The following FER variants were observed in gnomAD, a reference collection of about 807,000 sequenced individuals.
The protein encoded by FER is tyrosine-protein kinase Fer.
Under a neutral mutation model 111.0 loss-of-function variants are expected in FER, and 63 were observed. The observed-to-expected ratio is 0.57, with a 90% CI of 0.46 to 0.70. The LOEUF is 0.70. Among genes scored for constraint, FER ranks in the 30% least tolerant of loss-of-function variants. The probability of loss-of-function intolerance (pLI) is 0.00; values close to 1 mark genes in which losing one functional copy is unlikely to be tolerated. For synonymous variants in FER, 327 were observed against 313.9 expected (o/e 1.04, Z -0.44); for missense variants, 914 against 954.0 (o/e 0.96, Z 0.55).
intron 2 of FER, among the ~76,000 whole-genome samples, chr5:108,793,943 C>T (rs766964139): frequency 9.9e-5 from 15 of 152,168 alleles, no homozygotes; most frequent in East Asian, 3.9e-4. Context: ...GACCCCTCTC[C>T]GCTTTTTAAC....
At chr5:108,965,807 A>G (rs1466557196) in intron 13 of FER, among the ~76,000 whole-genome samples, 2 of 152,180 alleles carry the variant, frequency 1.3e-5, no homozygotes, top group African/African-American at 2.4e-5. Flanking sequence ...TATGTCCCCA[A>G]CCCACATGAA....
In FER at chr5:108,890,253, T is replaced by C. The variant is rs73209316; in HGVS notation, c.1046+6735T>C. On this transcript the variant is annotated intron_variant, in intron 9 of 19. Transcript: ENST00000281092. ...AAATTCATCCAGCTACTTTCATTCC[T>C]TTTTACTGTTGAGTAGTGCAGTGTT... Among the ~76,000 whole-genome samples the C allele has an allele frequency of 8.7e-3, 1,322 of 152,240 alleles. 21 individuals carry two copies. Among genetic ancestry groups the C allele is most frequent in the African/African-American group, 0.03 (1,251 of 41,560 alleles).
chr5:109,081,009 C>T (rs1375218309), intron 16 of FER, among the ~76,000 whole-genome samples: 1 of 152,002 alleles, frequency 6.6e-6, no homozygotes, highest in Non-Finnish European at 1.5e-5. Context: ...AAACAGGGAA[C>T]CCAGAGATGG....
At chr5:109,155,834 A>G (rs1412267907) in intron 17 of FER, among the ~76,000 whole-genome samples, 2 of 151,982 alleles carry the variant, frequency 1.3e-5, no homozygotes, top group Non-Finnish European at 1.5e-5. Context: ...GAGAGAGCCT[A>G]TACACTGGTA....
intron 6 of FER, among the ~76,000 whole-genome samples, chr5:108,868,758 T>G (rs1449457476): frequency 6.6e-6 from 1 of 152,028 alleles, no homozygotes; most frequent in Non-Finnish European, 1.5e-5. Flanking sequence ...AGTAGTGAAG[T>G]ATGAGAAAAG....
intron 1 of FER, among the ~76,000 whole-genome samples, chr5:108,761,075 T>C (rs1472269489): frequency 6.6e-6 from 1 of 151,866 alleles, no homozygotes; most frequent in Non-Finnish European, 1.5e-5. Context: ...GGATTACAGG[T>C]GCCCGCCACC....
intron 16 of FER, among the ~76,000 whole-genome samples, chr5:109,095,680 C>T (rs1199806662): frequency 2.0e-5 from 3 of 152,074 alleles, no homozygotes; most frequent in Non-Finnish European, 2.9e-5. Flanking sequence ...GATTTTTCCC[C>T]GTCATTTCTG....
intron 1 of FER, among the ~76,000 whole-genome samples, chr5:108,762,759 C>T (rs778593646): frequency 2.0e-5 from 3 of 152,112 alleles, no homozygotes; most frequent in Non-Finnish European, 4.4e-5. Flanking sequence ...CACAGGCCTC[C>T]TTGTTTTTCC....
intron 9 of FER, chr5:108,894,492 T>C (rs1748732178): frequency 5.0e-6 from 2 of 399,688 alleles, no homozygotes; most frequent in Non-Finnish European, 9.8e-6. Flanking sequence ...TTTCTCAGAG[T>C]CTATGACACT....
At chr5:109,163,041 T>G (rs1217272116) in intron 17 of FER, among the ~76,000 whole-genome samples, 1 of 152,184 alleles carries the variant, frequency 6.6e-6, no homozygotes, top group East Asian at 1.9e-4. Context: ...ACCACTCATC[T>G]GTCACTGTAG....
chr5:108,880,559 G>A (rs1046116925), intron 8 of FER, among the ~76,000 whole-genome samples: 1 of 152,064 alleles, frequency 6.6e-6, no homozygotes, highest in African/African-American at 2.4e-5. Context: ...TGGTTGAAAT[G>A]TAGCTTTCTT....
chr5:109,115,283 A>AATTAAAGAC (rs1750091085), intron 17 of FER, among the ~76,000 whole-genome samples: 1 of 152,092 alleles, frequency 6.6e-6, no homozygotes, highest in Non-Finnish European at 1.5e-5. Flanking sequence ...AAAGATATAA[A>AATTAAAGAC]ATTAAAGACT....
chr5:109,147,541 C>A (rs1318792630), intron 17 of FER, among the ~76,000 whole-genome samples: 1 of 151,756 alleles, frequency 6.6e-6, no homozygotes, highest in African/African-American at 2.4e-5. Flanking sequence ...GATAAAATAT[C>A]CAACAATCAA....
At chr5:108,863,965 C>G (rs983574184) in intron 5 of FER, among the ~76,000 whole-genome samples, 4 of 152,074 alleles carry the variant, frequency 2.6e-5, no homozygotes, top group Admixed American at 6.6e-5. Flanking sequence ...TGCTTCCCTC[C>G]TGCCACTCTA....
At chr5:109,138,109 G>A in intron 17 of FER, among the ~76,000 whole-genome samples, 1 of 152,134 alleles carries the variant, frequency 6.6e-6, no homozygotes, top group Admixed American at 6.6e-5. Context: ...CCATATGTAG[G>A]GCTGGAACAA....
chr5:108,852,348 C>T (rs1762615953), intron 5 of FER, among the ~76,000 whole-genome samples: 2 of 152,058 alleles, frequency 1.3e-5, no homozygotes, highest in South Asian at 4.1e-4. Context: ...TGAGTCCAGC[C>T]TTGAGACAGA....
chr5:108,854,064 T>A (rs1228190052), intron 5 of FER, among the ~76,000 whole-genome samples: 1 of 152,216 alleles, frequency 6.6e-6, no homozygotes, highest in African/African-American at 2.4e-5. Context: ...GGTAGTTTGA[T>A]AAAGTCACTG....
chr5:109,030,704 C>T (rs1561799174), intron 13 of FER, among the ~76,000 whole-genome samples: 1 of 152,134 alleles, frequency 6.6e-6, no homozygotes, highest in African/African-American at 2.4e-5. Flanking sequence ...CTTCTCCTGC[C>T]TCTGAGGAAC....
At position 109,190,158 on chromosome 5, in the gene FER, T is replaced by G. The variant is rs1238469860; in HGVS notation, c.*2583T>G. 1.3e-5 allele frequency: 2 copies of G among 152,130 alleles called. No individual in the cohort carries two copies. The highest frequency in any genetic ancestry group is 4.8e-5 in the African/African-American group (2 of 41,434). 9.4% of individuals were successfully genotyped at this position (152,130 alleles called of 1,614,324 possible). A position where few individuals can be genotyped will look rare whatever the true frequency, so the allele number is the denominator to read the frequency against. ...GTCACTGATAATTAATTATTGGAAT[T>G]ATATACTTTAGGAGGCTAATCCATG... On this transcript the variant is annotated 3_prime_UTR_variant, in exon 20 of 20. Coordinates refer to ENST00000281092, the MANE Select transcript of FER (RefSeq NM_005246.4).
Sources: gnomAD v4.1 joint callset for allele counts (sites outside exome capture counted in the v4.1 genomes callset) on GRCh38, gnomAD v4.1.1 for gene constraint, MANE v1.5 for transcripts, NCBI Gene and HGNC (gene_info 2026-07-23, HGNC 2026-07-21) for gene names.